RERE: variants seen among roughly 807,000 people sequenced by gnomAD.
The protein encoded by RERE is arginine-glutamic acid dipeptide repeats.
RERE carries 40 observed loss-of-function variants against 146.1 expected under a neutral mutation model. That is an observed-to-expected ratio of 0.27 (90% CI 0.21 to 0.36). RERE has a LOEUF of 0.36. Among genes scored for constraint, RERE ranks in the 10% least tolerant of loss-of-function variants. The pLI is 1.00. For missense variants in RERE, 1,933 were observed against 2,138.7 expected (o/e 0.90, Z 1.90); for synonymous variants, 1,003 against 866.0 (o/e 1.16, Z -2.78).
chr1:8,687,510 C>T (rs1050386340), intron 1 of RERE, among the ~76,000 whole-genome samples: 1 of 152,214 alleles, frequency 6.6e-6, no homozygotes, highest in Non-Finnish European at 1.5e-5. Context: ...GGAATTAACA[C>T]TGAGAAACTC....
intron 4 of RERE, among the ~76,000 whole-genome samples, chr1:8,565,885 T>C (rs1333672325): frequency 6.6e-6 from 1 of 152,186 alleles, no homozygotes. Context: ...GGTTCTGCTC[T>C]GACATGGGGA....
chr1:8,642,883 A>G (rs889409575), intron 2 of RERE, among the ~76,000 whole-genome samples: 8 of 152,206 alleles, frequency 5.3e-5, no homozygotes, highest in Non-Finnish European at 5.9e-5. Context: ...AGCTGAGACA[A>G]TGCTACCCAA....
chr1:8,476,359 G>A (rs1232275162), intron 10 of RERE, among the ~76,000 whole-genome samples: 1 of 152,178 alleles, frequency 6.6e-6, no homozygotes, highest in Admixed American at 6.5e-5. Context: ...TACTGGGGCA[G>A]TTTAGGACAG....
chr1:8,779,253 C>A (rs560534407), intron 1 of RERE, among the ~76,000 whole-genome samples: 2 of 151,646 alleles, frequency 1.3e-5, no homozygotes, highest in Non-Finnish European at 1.5e-5. Flanking sequence ...TCCATCCGGG[C>A]GCAGTGGCTC....
At chr1:8,563,899 T>G (rs1646107395) in intron 4 of RERE, among the ~76,000 whole-genome samples, 4 of 152,264 alleles carry the variant, frequency 2.6e-5, no homozygotes, top group Admixed American at 2.6e-4. Flanking sequence ...AGAGGTTTAC[T>G]GTATAATTCA....
intron 11 of RERE, among the ~76,000 whole-genome samples, chr1:8,440,495 G>A (rs931883976): frequency 6.6e-6 from 1 of 151,736 alleles, no homozygotes; most frequent in African/African-American, 2.4e-5. Context: ...GGAGGCTGAG[G>A]CAGGAGAATC....
At chr1:8,639,182 A>G (rs1016911546) in intron 2 of RERE, among the ~76,000 whole-genome samples, 36 of 152,182 alleles carry the variant, frequency 2.4e-4, no homozygotes, top group Non-Finnish European at 5.9e-5. Context: ...ACCACGCTTA[A>G]TCATTACAGA....
At chr1:8,724,386 A>G (rs1639917909) in intron 1 of RERE, among the ~76,000 whole-genome samples, 1 of 152,230 alleles carries the variant, frequency 6.6e-6, no homozygotes, top group Admixed American at 6.5e-5. Context: ...CAAATAAAAC[A>G]AAACGTGAGT....
At chr1:8,718,847 G>A (rs1310855357) in intron 1 of RERE, among the ~76,000 whole-genome samples, 1 of 152,188 alleles carries the variant, frequency 6.6e-6, no homozygotes, top group Admixed American at 6.5e-5. Context: ...TCATGGAGAT[G>A]AAATGAAATA....
At chr1:8,767,953 G>A (rs1258496794) in intron 1 of RERE, among the ~76,000 whole-genome samples, 7 of 151,856 alleles carry the variant, frequency 4.6e-5, no homozygotes, top group South Asian at 4.1e-4. Flanking sequence ...GTGACAGAGC[G>A]AAACTTTGTC....
rs772914129 is a variant in RERE, at chr1:8,361,259, C to A, written c.2248G>T (p.Ala750Ser). 50 of 1,579,442 alleles carry A rather than the reference C, an allele frequency of 3.2e-5. No homozygotes were observed. The highest frequency in any genetic ancestry group is 3.5e-5 in the Non-Finnish European group (41 of 1,164,468). The change falls in exon 18 of 23, where the codon GCT (alanine) becomes TCT (serine). Residue 750 changes from alanine (A) to serine (S), a missense_variant. This residue lies in a region of RERE where 1,255 missense variants were observed against 1,153.8 expected (regional missense o/e 1.09). Transcript: ENST00000400908. The stretch of plus-strand genomic sequence containing the variant: ...GTCCCTGGAGGAGCTGAGGAGGGAG[C>A]TGGGGTGACCCCAGTGGGAGCCTGC... ...ALQAPTGVTP[A>S]PSSAPPGTPQ...
intron 1 of RERE, among the ~76,000 whole-genome samples, chr1:8,778,908 T>C (rs1428690634): frequency 6.6e-6 from 1 of 152,100 alleles, no homozygotes; most frequent in Non-Finnish European, 1.5e-5. Flanking sequence ...ATTGCAGTGG[T>C]ACAGTCTTGG....
chr1:8,723,461 G>GT (rs199857659), intron 1 of RERE, among the ~76,000 whole-genome samples: 123 of 150,822 alleles, frequency 8.2e-4, no homozygotes, highest in African/African-American at 2.2e-3. Flanking sequence ...ACTAATCATT[G>GT]TTTTTTTTTC....
intron 1 of RERE, among the ~76,000 whole-genome samples, chr1:8,790,175 C>T (rs188214479): frequency 2.0e-5 from 3 of 152,208 alleles, no homozygotes; most frequent in South Asian, 4.1e-4. Context: ...TCTGGAACTG[C>T]GGGTTCAAGC....
chr1:8,487,056 A>G (rs1039807085), intron 10 of RERE, among the ~76,000 whole-genome samples: 10 of 152,324 alleles, frequency 6.6e-5, no homozygotes, highest in African/African-American at 2.4e-4. Flanking sequence ...AATTATTAGC[A>G]AATTGAATCC....
At chr1:8,369,882 C>T (rs893340044) in intron 12 of RERE, among the ~76,000 whole-genome samples, 14 of 152,126 alleles carry the variant, frequency 9.2e-5, no homozygotes, top group Admixed American at 2.6e-4. Context: ...CTCCGCCTCC[C>T]GGGTTCACGC....
At chr1:8,683,360 C>A (rs1315932541) in intron 1 of RERE, among the ~76,000 whole-genome samples, 1 of 152,056 alleles carries the variant, frequency 6.6e-6, no homozygotes, top group Non-Finnish European at 1.5e-5. Flanking sequence ...CATAAAAGGG[C>A]ACCACTTAGT....
chr1:8,440,880 G>A (rs1190598185), intron 11 of RERE, among the ~76,000 whole-genome samples: 4 of 151,406 alleles, frequency 2.6e-5, no homozygotes, highest in East Asian at 3.9e-4. Context: ...CTCGGTGACA[G>A]AGGGAGACTC....
intron 1 of RERE, among the ~76,000 whole-genome samples, chr1:8,747,291 G>A (rs548005688): frequency 3.3e-5 from 5 of 152,072 alleles, no homozygotes; most frequent in Admixed American, 6.5e-5. Flanking sequence ...ATGAGCCACC[G>A]CGCCCAGCCC....
Sources: allele counts gnomAD v4.1 joint callset (sites outside exome capture counted in the v4.1 genomes callset), GRCh38; gene constraint gnomAD v4.1.1; regional missense constraint gnomAD v4.1.1; transcripts MANE v1.5; gene names NCBI Gene and HGNC (gene_info 2026-07-23, HGNC 2026-07-21).